Variants in CDKAL1 observed in about 807,000 individuals in gnomAD.
CDKAL1 encodes the protein CDKAL1 threonylcarbamoyladenosine tRNA methylthiotransferase.
A neutral mutation model predicts 68.2 loss-of-function variants in CDKAL1; 32 were observed. The observed-to-expected ratio is 0.47, with a 90% confidence interval of 0.35 to 0.63. The LOEUF (loss-of-function observed/expected upper bound fraction) is 0.63. Among genes scored for constraint, CDKAL1 ranks in the 30% least tolerant of loss-of-function variants. The pLI is 0.00. For synonymous variants in CDKAL1, 234 were observed against 244.3 expected (o/e 0.96, Z 0.39); for missense variants, 606 against 696.7 (o/e 0.87, Z 1.47).
intron 13 of CDKAL1, among the ~76,000 whole-genome samples, chr6:21,109,035 T>C (rs966771096): frequency 2.6e-5 from 4 of 152,176 alleles, no homozygotes; most frequent in African/African-American, 9.6e-5. Context: ...ACCTTCTCCA[T>C]CCCTCATGTT....
At chr6:20,930,682 G>A (rs1196285475) in intron 9 of CDKAL1, among the ~76,000 whole-genome samples, 1 of 151,814 alleles carries the variant, frequency 6.6e-6, no homozygotes, top group African/African-American at 2.4e-5. Flanking sequence ...AGAGTGGGAA[G>A]TGTTTATATG....
intron 10 of CDKAL1, among the ~76,000 whole-genome samples, chr6:20,995,822 T>A (rs1253535267): frequency 2.0e-5 from 3 of 152,196 alleles, no homozygotes; most frequent in Non-Finnish European, 4.4e-5. Context: ...CTTTGAAGCA[T>A]TGCTTCAAAG....
chr6:20,696,439 T>C (rs897627397), intron 5 of CDKAL1, among the ~76,000 whole-genome samples: 3 of 152,202 alleles, frequency 2.0e-5, no homozygotes, highest in African/African-American at 4.8e-5. Context: ...ATCCATTCTT[T>C]AGAAAAAAAT....
At chr6:20,748,239 C>T (rs969887100) in intron 6 of CDKAL1, among the ~76,000 whole-genome samples, 3 of 151,960 alleles carry the variant, frequency 2.0e-5, no homozygotes, top group African/African-American at 7.3e-5. Flanking sequence ...CTGTAATTGC[C>T]GCAACTCAAG....
intron 6 of CDKAL1, among the ~76,000 whole-genome samples, chr6:20,742,195 A>G (rs1452433616): frequency 1.3e-5 from 2 of 152,080 alleles, no homozygotes; most frequent in Non-Finnish European, 2.9e-5. Flanking sequence ...TGTTCCTTAT[A>G]GATGCTGGAT....
chr6:20,728,068 G>A (rs1025309811), intron 5 of CDKAL1, among the ~76,000 whole-genome samples: 5 of 152,160 alleles, frequency 3.3e-5, no homozygotes, highest in South Asian at 4.1e-4. Flanking sequence ...ACTGGTGAGT[G>A]CCTTCATAAA....
chr6:20,636,863 C>A (rs1265107687), intron 4 of CDKAL1, among the ~76,000 whole-genome samples: 4 of 151,664 alleles, frequency 2.6e-5, no homozygotes, highest in African/African-American at 9.7e-5. Context: ...ATGGTGAAAC[C>A]CCGTCTCTAC....
intron 11 of CDKAL1, among the ~76,000 whole-genome samples, chr6:21,035,677 T>C (rs113687197): frequency 0.024 from 3,726 of 152,254 alleles, 159 homozygotes; most frequent in African/African-American, 0.084. Context: ...AGTTCACTTA[T>C]TGAAGTTCAA....
intron 11 of CDKAL1, among the ~76,000 whole-genome samples, chr6:21,029,545 A>G (rs575494188): frequency 1.3e-5 from 2 of 152,314 alleles, no homozygotes; most frequent in East Asian, 3.9e-4. Flanking sequence ...TGAATAGGCA[A>G]CCTGCAGAAT....
intron 8 of CDKAL1, among the ~76,000 whole-genome samples, chr6:20,845,630 TATATC>T (rs1778348658): frequency 6.6e-6 from 1 of 152,166 alleles, no homozygotes; most frequent in Non-Finnish European, 1.5e-5. Flanking sequence ...TATTTATTCT[TATATC>T]ATTAGTTAAA....
At chr6:21,111,643 A>G (rs1390886919) in intron 13 of CDKAL1, among the ~76,000 whole-genome samples, 1 of 152,228 alleles carries the variant, frequency 6.6e-6, no homozygotes, top group African/African-American at 2.4e-5. Context: ...ATGCTGTTGC[A>G]AAAAGCAAAT....
chr6:20,810,367 G>GTC (rs5874785), intron 8 of CDKAL1, among the ~76,000 whole-genome samples: 27,222 of 136,094 alleles, frequency 0.2, 3,017 homozygotes, highest in Middle Eastern at 0.25. Flanking sequence ...CATAGTGAGA[G>GTC]TCTCTCTCTC....
At chr6:21,044,804 C>T (rs1389712192) in intron 11 of CDKAL1, among the ~76,000 whole-genome samples, 2 of 152,064 alleles carry the variant, frequency 1.3e-5, no homozygotes, top group Admixed American at 1.3e-4. Flanking sequence ...TGTCTTAATC[C>T]GTTTGTGCTG....
chr6:20,772,576 G>GT, intron 7 of CDKAL1, among the ~76,000 whole-genome samples: 1 of 152,258 alleles, frequency 6.6e-6, no homozygotes, highest in East Asian at 1.9e-4. Context: ...AGATTACTTT[G>GT]TTATATGTAT....
rs1284231888 is a variant in CDKAL1, at chr6:20,916,418, A to G, written c.743-39001A>G. Among the ~76,000 whole-genome samples the G allele has an allele frequency of 3.3e-5, 5 of 152,198 alleles. No individual in the cohort carries two copies. In the East Asian group the frequency reaches 7.7e-4, roughly 23 times the overall value. ...GGAGGAAGAATTGAAAAATCTACAG[A>G]TGTTAGAGAAGTCACTGATAAATGG... is the stretch of plus-strand genomic sequence containing the variant. On this transcript the variant is annotated intron_variant, in intron 9 of 15. Coordinates refer to ENST00000274695, the MANE Select transcript of CDKAL1 (RefSeq NM_017774.3).
intron 8 of CDKAL1, among the ~76,000 whole-genome samples, chr6:20,806,692 C>A (rs1380398748): frequency 1.3e-5 from 2 of 151,940 alleles, no homozygotes; most frequent in African/African-American, 2.4e-5. Flanking sequence ...GTATCTCAGA[C>A]CAGTTGTGAG....
chr6:20,588,953 A>G (rs1482747965), intron 4 of CDKAL1, among the ~76,000 whole-genome samples: 1 of 152,180 alleles, frequency 6.6e-6, no homozygotes, highest in Non-Finnish European at 1.5e-5. Flanking sequence ...AAAGTTTGAA[A>G]TCTTATAATA....
intron 15 of CDKAL1, among the ~76,000 whole-genome samples, chr6:21,202,266 A>G (rs1039502069): frequency 3.9e-5 from 6 of 152,216 alleles, no homozygotes; most frequent in African/African-American, 1.4e-4. Context: ...ATCTGCGTGC[A>G]TGGCCGTCTA....
chr6:20,917,261 A>T (rs1246643529), intron 9 of CDKAL1, among the ~76,000 whole-genome samples: 1 of 152,062 alleles, frequency 6.6e-6, no homozygotes, highest in Non-Finnish European at 1.5e-5. Context: ...GATTACAGAC[A>T]TGAGCCACTG....
Sources: allele counts gnomAD v4.1 joint callset (sites outside exome capture counted in the v4.1 genomes callset), GRCh38; gene constraint gnomAD v4.1.1; transcripts MANE v1.5; gene names NCBI Gene and HGNC (gene_info 2026-07-23, HGNC 2026-07-21).